MTFR2: variants seen among roughly 807,000 people sequenced by gnomAD.
The protein encoded by MTFR2 is DUF729 domain-containing protein 1.
A neutral mutation model predicts 41.2 loss-of-function variants in MTFR2; 44 were observed. That is an observed-to-expected ratio of 1.07 (90% CI 0.84 to 1.37). The LOEUF is 1.37. Ranked by LOEUF, MTFR2 falls within the 40% of genes most tolerant of loss-of-function variation. The pLI is 0.00. For missense variants in MTFR2, 452 were observed against 459.5 expected, an observed-to-expected ratio of 0.98 and a Z score of 0.15; for synonymous variants, 141 against 154.6, an observed-to-expected ratio of 0.91 and a Z score of 0.65.
intron 2 of MTFR2, 72 bp from the exon 3 acceptor site, chr6:136,244,941 G>A (rs757347228): frequency 8.5e-6 from 10 of 1,170,796 alleles, no homozygotes; most frequent in Admixed American, 2.7e-5. Flanking sequence ...GAAAAAAGGA[G>A]ATGTAAAAAA....
At chr6:136,231,959 G>A (rs891885664) in intron 7 of MTFR2, among the ~76,000 whole-genome samples, 4 of 152,028 alleles carry the variant, frequency 2.6e-5, no homozygotes, top group African/African-American at 7.3e-5. Context: ...TCACATTTTC[G>A]GGGGAAAAGG....
intron 2 of MTFR2, chr6:136,248,796 T>C (rs1780285782): frequency 2.1e-6 from 1 of 470,170 alleles, no homozygotes; most frequent in Admixed American, 4.5e-5. Flanking sequence ...AGCTCATGTC[T>C]ATATTTTGCT....
Position 136,233,596 on chromosome 6 carries a change from TTTAA to T in MTFR2, c.870-101_870-98del, listed in dbSNP as rs1779828022. ...GCAGGAATACAAGCATATCTTACAA[TTTAA>T]TTAGTCTTCAAGAGATTGAAAATAA... On this transcript the variant is annotated intron_variant, in intron 6 of 7. Coordinates refer to ENST00000420702, the MANE Select transcript of MTFR2 (RefSeq NM_001099286.3). 5 of 941,300 alleles carry T rather than the reference TTTAA, an allele frequency of 5.3e-6. No individual in the cohort carries two copies. The Admixed American group carries it at 9.6e-5, about 18-fold the overall frequency. 58.3% of individuals were successfully genotyped at this position (941,300 alleles called of 1,614,324 possible). A position where few individuals can be genotyped will look rare whatever the true frequency, so the allele number is the denominator to read the frequency against.
intron 6 of MTFR2, among the ~76,000 whole-genome samples, chr6:136,233,705 CT>C (rs1393130781): frequency 2.0e-5 from 3 of 152,118 alleles, no homozygotes; most frequent in Admixed American, 2.0e-4. Flanking sequence ...ACCCATGTGA[CT>C]TGAGACTCTG....
intron 2 of MTFR2, among the ~76,000 whole-genome samples, chr6:136,246,109 G>A (rs571855445): frequency 6.6e-6 from 1 of 152,292 alleles, no homozygotes; most frequent in African/African-American, 2.4e-5. Flanking sequence ...TTGCTACCAT[G>A]ACGGCTACCT....
At chr6:136,236,851 T>A (rs1236551360) in intron 6 of MTFR2, among the ~76,000 whole-genome samples, 3 of 152,022 alleles carry the variant, frequency 2.0e-5, no homozygotes, top group Non-Finnish European at 4.4e-5. Context: ...GCATGGCAAA[T>A]CCCTTGTGAA....
Position 136,243,726 on chromosome 6 carries a change from A to T in MTFR2, c.169-753T>A, listed in dbSNP as rs563889536. 3.9e-5 allele frequency among the ~76,000 whole-genome samples: 6 copies of T among 151,930 alleles called. No individual in the cohort carries two copies. The South Asian group carries it at 8.3e-4, about 21-fold the overall frequency. On this transcript the variant is annotated intron_variant, in intron 3 of 7. Transcript: ENST00000420702. The stretch of plus-strand genomic sequence containing the variant: ...CAAGACCTTATCTTAAAAAAAAAAA[A>T]AAAAAGTTAACTATACCACAGCCTC...
Position 136,244,398 on chromosome 6 carries a change from C to G in MTFR2, c.168+367G>C, listed in dbSNP as rs199809778. The stretch of plus-strand genomic sequence containing the variant: ...TTGTGTAACAACTGCCTACAGTATT[C>G]GGTAAAGTAACATGCTGAAAAGGTT... On this transcript the variant is annotated intron_variant, in intron 3 of 7. Transcript: ENST00000420702. 2.0e-5 allele frequency among the ~76,000 whole-genome samples: 3 copies of G among 152,166 alleles called. No individual in the cohort carries two copies. The East Asian group carries it at 5.8e-4, about 29-fold the overall frequency.
At chr6:136,236,420 C>G (rs1779906603) in intron 6 of MTFR2, among the ~76,000 whole-genome samples, 1 of 152,198 alleles carries the variant, frequency 6.6e-6, no homozygotes, top group Admixed American at 6.5e-5. Flanking sequence ...GAGAGCTCAT[C>G]TGATTCCTCA....
chr6:136,240,632 T>C (rs1780029717), intron 5 of MTFR2, among the ~76,000 whole-genome samples: 1 of 152,176 alleles, frequency 6.6e-6, no homozygotes, highest in Non-Finnish European at 1.5e-5. Context: ...TGTATCTCTA[T>C]AAATTTATAA....
At chr6:136,241,314 C>A (rs1780063643) in intron 5 of MTFR2, 130 bp downstream of exon 5, 1 of 668,508 alleles carries the variant, frequency 1.5e-6, no homozygotes, top group Non-Finnish European at 2.5e-6. Context: ...GAATTGTACT[C>A]ACTTAAATAC....
At position 136,244,793 on chromosome 6, in the gene MTFR2, A is replaced by C; in HGVS notation, c.140T>G (p.Leu47Arg). 6.2e-7 allele frequency: 1 copy of C among 1,612,648 alleles called. No homozygotes were observed. Among genetic ancestry groups the C allele is most frequent in the Non-Finnish European group, 8.5e-7 (1 of 1,179,364 alleles). ...AAAATTAGGTCTTCGACAAGGTTCC[A>C]GTGGAAGCATTTTCCCAATAATACG... Reference protein sequence around the residue: ...IVRIIGKMLPLEPCRRPNFEL... With the variant: ...IVRIIGKMLPREPCRRPNFEL... Residue 47 changes from leucine (L) to arginine (R), a missense_variant, in exon 3 of 8, where the codon CTG (leucine) becomes CGG (arginine). Physicochemically the swap from Leu to Arg is moderately radical, Grantham distance 102. Coordinates refer to ENST00000420702, the MANE Select transcript of MTFR2 (RefSeq NM_001099286.3).
intron 3 of MTFR2, among the ~76,000 whole-genome samples, chr6:136,243,431 G>A (rs1287672937): frequency 6.6e-6 from 1 of 152,106 alleles, no homozygotes; most frequent in Non-Finnish European, 1.5e-5. Context: ...AGTTGGCTGG[G>A]CATGGTGGTG....
intron 6 of MTFR2, among the ~76,000 whole-genome samples, chr6:136,237,767 G>C: frequency 6.6e-6 from 1 of 151,556 alleles, no homozygotes. Context: ...AGTGAGCCAA[G>C]ATCATGCCAC....
intron 6 of MTFR2, among the ~76,000 whole-genome samples, chr6:136,234,590 C>T (rs1008526716): frequency 4.7e-4 from 72 of 152,268 alleles, no homozygotes; most frequent in African/African-American, 1.7e-3. Flanking sequence ...TGAGGGCTGG[C>T]TCCTGGAGGG....
rs143974258 is a variant in MTFR2, at chr6:136,231,355, G to A, written c.1078C>T (p.Arg360Ter). 5.7e-4 allele frequency: 921 copies of A among 1,610,984 alleles called. 2 individuals are homozygous for A. The highest frequency in any genetic ancestry group is 7.6e-4 in the Non-Finnish European group (893 of 1,178,602). The change falls in exon 8 of 8, where the codon CGA becomes TGA. Residue 360 changes from arginine (R) to a stop codon, truncating the protein, a stop_gained. Transcript: ENST00000420702. LOFTEE classifies it high-confidence loss of function. ...GTGTTGACCATTTCTTCTTTAGTTCGCTGTCCTTCTGACTGTGAAATGTGA... is the reference window on the plus strand; with the variant it reads ...GTGTTGACCATTTCTTCTTTAGTTCACTGTCCTTCTGACTGTGAAATGTGA... ...GHHISQSEGQ[R>*]TKEEMVNTKA...
intron 2 of MTFR2, chr6:136,248,749 G>T (rs1780284692): frequency 2.7e-6 from 1 of 374,202 alleles, no homozygotes; most frequent in Non-Finnish European, 4.7e-6. Context: ...TTGAATAGAA[G>T]TTTTAATGTA....
chr6:136,231,060 C>G lies in MTFR2; in HGVS notation c.*215G>C, dbSNP rs1779738931. 1 of 421,416 alleles carries G rather than the reference C, an allele frequency of 2.4e-6. No individual in the cohort carries two copies. The highest frequency in any genetic ancestry group is 2.1e-5 in the African/African-American group (1 of 48,746). 26.1% of individuals were successfully genotyped at this position (421,416 alleles called of 1,614,324 possible). On this transcript the variant is annotated 3_prime_UTR_variant, in exon 8 of 8. Coordinates refer to ENST00000420702, the MANE Select transcript of MTFR2 (RefSeq NM_001099286.3). ...TCAAAAAGAATGTTTATTTTAAGCT[C>G]TATGTACAGAAGAACAGAGTATAAA...
rs118181363 is a variant in MTFR2 at position 136,244,751 on chromosome 6, G to A, written c.168+14C>T. 6,035 of 1,569,574 alleles carry A rather than the reference G, an allele frequency of 3.8e-3. 16 individuals are homozygous for A. The highest frequency in any genetic ancestry group is 4.7e-3 in the Non-Finnish European group (5,322 of 1,140,614). On this transcript the variant is annotated intron_variant, in intron 3 of 7. Transcript: ENST00000420702. Reference sequence around the variant, plus strand: ...TGTACTTGGTACTTAAACAATTTATGTTGACTGACTTACCTCAAAATTAGG... The same window carrying A: ...TGTACTTGGTACTTAAACAATTTATATTGACTGACTTACCTCAAAATTAGG...
Sources: allele counts gnomAD v4.1 joint callset (sites outside exome capture counted in the v4.1 genomes callset), GRCh38; gene constraint gnomAD v4.1.1; transcripts MANE v1.5; gene names NCBI Gene and HGNC (gene_info 2026-07-23, HGNC 2026-07-21).